TUT1: variants seen among roughly 807,000 people sequenced by gnomAD.
TUT1 encodes speckle targeted PIP5K1A-regulated poly(A) polymerase.
In TUT1, 26 loss-of-function variants were observed where a neutral mutation model predicts 48.8. That is an observed-to-expected ratio of 0.53 (90% confidence interval 0.39 to 0.74). TUT1 has a LOEUF of 0.74. TUT1 is among the 30% of genes least tolerant of loss of function. The pLI, the probability that TUT1 is intolerant of heterozygous loss-of-function variation, is 0.00. For synonymous variants in TUT1, 470 were observed against 460.8 expected (o/e 1.02, Z -0.26); for missense variants, 1,065 against 1,114.8 (o/e 0.96, Z 0.64).
intron 4 of TUT1, among the ~76,000 whole-genome samples, chr11:62,579,485 C>T (rs1398595885): frequency 6.6e-6 from 1 of 152,112 alleles, no homozygotes; most frequent in East Asian, 1.9e-4. Context: ...GAATGTGATA[C>T]ATGCAACCTT....
chr11:62,582,063 AC>A (rs2134309313), intron 2 of TUT1, among the ~76,000 whole-genome samples: 1 of 151,816 alleles, frequency 6.6e-6, no homozygotes, highest in East Asian at 2.0e-4. Flanking sequence ...GCTTACTGCA[AC>A]CTCTGCCTCC....
chr11:62,582,490 G>A, intron 2 of TUT1: 1 of 396,404 alleles, frequency 2.5e-6, no homozygotes, highest in East Asian at 8.0e-5. Context: ...CAATTACTTG[G>A]GAGGCTATGA....
chr11:62,575,302 G>A lies in TUT1; in HGVS notation c.2417C>T (p.Thr806Ile). 1 of 1,614,170 alleles carries A rather than the reference G, an allele frequency of 6.2e-7. No homozygotes were observed. Among genetic ancestry groups the A allele is most frequent in the Middle Eastern group, 1.6e-4 (1 of 6,062 alleles). ...CAGCTCCTGGGTGACCTGAGCCTCAGTCGCCAGCCACCCTGCTCTTGTGCC... is the reference window on the plus strand; with the variant it reads ...CAGCTCCTGGGTGACCTGAGCCTCAATCGCCAGCCACCCTGCTCTTGTGCC... ...GAGTRAGWLA[T>I]EAQVTQELKG... is the part of the protein sequence containing the mutation. The change falls in exon 9 of 9, where the codon ACT becomes ATT. Residue 806 changes from threonine to isoleucine, a missense_variant. Transcript: ENST00000476907.
chr11:62,576,456 C>T (rs1941729547), intron 8 of TUT1: 1 of 784,652 alleles, frequency 1.3e-6, no homozygotes, highest in East Asian at 2.7e-5. Flanking sequence ...TGCTGCTGCT[C>T]CTTGCTAGCC....
At position 62,576,210 on chromosome 11, in the gene TUT1, A is replaced by G. The variant is rs763752266; in HGVS notation, c.1509T>C (p.Ser503=). The change falls in exon 9 of 9, where the codon TCT becomes TCC. Residue 503 remains serine, a synonymous_variant. Transcript: ENST00000476907. ...GCAGGGAGCCACGAAGATCCCAACA[A>G]GATACACAGGAGAAGAACTGGGCTA... ...SLLAQFFSCV[S]CWDLRGSLLS... The G allele has an allele frequency of 6.2e-7, 1 of 1,604,172 alleles. No individual in the cohort carries two copies. Among genetic ancestry groups the G allele is most frequent in the African/African-American group, 1.3e-5 (1 of 74,380 alleles).
rs760484761 is a variant in TUT1 at position 62,576,901 on chromosome 11, G to A, written c.1381+6C>T. 16 of 1,613,328 alleles carry A rather than the reference G, an allele frequency of 9.9e-6. No individual in the cohort carries two copies. Among genetic ancestry groups the A allele is most frequent in the South Asian group, 5.5e-5 (5 of 91,066 alleles). On this transcript the variant is annotated splice_donor_region_variant and intron_variant, in intron 7 of 8. Coordinates refer to ENST00000476907, the MANE Select transcript of TUT1 (RefSeq NM_022830.3). ...AGATGGAGAGGGTGGAGGCTAGGCC[G>A]AGTACCTGCTTTCTGGGTGAGCTGG...
rs1565265027 is a variant in TUT1 at position 62,575,968 on chromosome 11, G to C, written c.1751C>G (p.Ser584Cys). The C allele has an allele frequency of 6.2e-7, 1 of 1,613,992 alleles. No homozygotes were observed. Among genetic ancestry groups the C allele is most frequent in the Non-Finnish European group, 8.5e-7 (1 of 1,180,044 alleles). Residue 584 changes from serine to cysteine, a missense_variant, in exon 9 of 9, where the codon TCC (serine) becomes TGC (cysteine). By Grantham distance (112) the Ser-to-Cys change is moderately radical. Coordinates refer to ENST00000476907, the MANE Select transcript of TUT1 (RefSeq NM_022830.3). ...CRSLQYQRRS[S>C]RGRDWGLLPL... ...GAGCAGCCCCCAGTCCCGACCCCGG[G>C]AGGAACGGCGCTGGTACTGGAGGCT...
intron 2 of TUT1, among the ~76,000 whole-genome samples, chr11:62,585,308 C>A (rs756290570): frequency 6.6e-6 from 1 of 152,156 alleles, no homozygotes; most frequent in Non-Finnish European, 1.5e-5. Flanking sequence ...CTATGCCAAA[C>A]ACAGCAAAGA....
intron 2 of TUT1, 135 bp downstream of exon 2, chr11:62,588,896 G>C: frequency 1.4e-6 from 1 of 714,168 alleles, no homozygotes; most frequent in Non-Finnish European, 2.3e-6. Flanking sequence ...GTTTCACCAT[G>C]TTGGCCAGGC....
chr11:62,585,658 C>T (rs552319996), intron 2 of TUT1, among the ~76,000 whole-genome samples: 1 of 152,196 alleles, frequency 6.6e-6, no homozygotes, highest in Non-Finnish European at 1.5e-5. Flanking sequence ...ATGGTGAAAC[C>T]CGTCTCTACT....
rs1264736866 is a variant in TUT1, at chr11:62,575,758, T to C, written c.1961A>G (p.Gln654Arg). 1 of 1,614,024 alleles carries C rather than the reference T, an allele frequency of 6.2e-7. No homozygotes were observed. The highest frequency in any genetic ancestry group is 8.5e-7 in the Non-Finnish European group (1 of 1,180,004). ...SEGGGTGESS[Q>R]GGTSKRLKVD... ...TTTGAGTCTTTTGCTTGTCCCTCCC[T>C]GAGAGGACTCCCCAGTTCCACCTCC... is the stretch of plus-strand genomic sequence containing the variant. The change falls in exon 9 of 9, where the codon CAG becomes CGG. Residue 654 changes from glutamine (Q) to arginine (R), a missense_variant. Transcript: ENST00000476907.
intron 2 of TUT1, among the ~76,000 whole-genome samples, chr11:62,588,267 G>C (rs931168031): frequency 6.6e-6 from 1 of 152,182 alleles, no homozygotes; most frequent in Non-Finnish European, 1.5e-5. Context: ...AAATCCAAAG[G>C]GTGGGACTGG....
chr11:62,578,924 G>A lies in TUT1; in HGVS notation c.797C>T (p.Pro266Leu). Residue 266 changes from proline (P) to leucine (L), a missense_variant, in exon 5 of 9, where the codon CCT (proline) becomes CTT (leucine). Pro to Leu is a moderately conservative substitution (Grantham distance 98). Transcript: ENST00000476907. ...CTPASPPDSQ[P>L]PASPQDSEAL... ...TTCAGAATCCTGGGGAGAAGCAGGA[G>A]GTTGTGAATCTGGAGGGGAAGCTGG... 2 of 1,570,676 alleles carry A rather than the reference G, an allele frequency of 1.3e-6. No individual in the cohort carries two copies. Among genetic ancestry groups the A allele is most frequent in the South Asian group, 2.4e-5 (2 of 84,162 alleles).
At chr11:62,586,095 G>A (rs1015296025) in intron 2 of TUT1, among the ~76,000 whole-genome samples, 3 of 152,196 alleles carry the variant, frequency 2.0e-5, no homozygotes, top group African/African-American at 7.2e-5. Context: ...TCCAGCCTGG[G>A]CAACAAGGGC....
rs1326460340 is a variant in TUT1, at chr11:62,579,006, G to A, written c.715C>T (p.Pro239Ser). The A allele has an allele frequency of 6.6e-7, 1 of 1,514,242 alleles. No homozygotes were observed. Among genetic ancestry groups the A allele is most frequent in the East Asian group, 2.3e-5 (1 of 43,956 alleles). 93.8% of individuals were successfully genotyped at this position (1,514,242 alleles called of 1,614,324 possible). ...PQPVPKAPES[P>S]SLDSALASPL... ...GAAGCCAGGGCCGAGTCCAGCGATG[G>A]AGATTCTGGAGCCTTTGGGACTGGC... is the stretch of plus-strand genomic sequence containing the variant. Residue 239 changes from proline (P) to serine (S), a missense_variant, in exon 5 of 9, where the codon CCA becomes TCA. By Grantham distance (74) the Pro-to-Ser change is moderately conservative (BLOSUM62 -1). Transcript: ENST00000476907.
chr11:62,579,037 A>T lies in TUT1; in HGVS notation c.691-7T>A. 1.3e-6 allele frequency: 2 copies of T among 1,499,462 alleles called. No individual in the cohort carries two copies. The highest frequency in any genetic ancestry group is 1.8e-6 in the Non-Finnish European group (2 of 1,124,536). 92.9% of individuals were successfully genotyped at this position (1,499,462 alleles called of 1,614,324 possible). ...CTGGAGCCTTTGGGACTGGCTGTGG[A>T]CAGAAATGAACTGAGTGAAATGTTT... On this transcript the variant is annotated splice_polypyrimidine_tract_variant and splice_region_variant and intron_variant, in intron 4 of 8. Transcript: ENST00000476907.
chr11:62,585,569 T>C (rs929162645), intron 2 of TUT1, among the ~76,000 whole-genome samples: 5 of 152,212 alleles, frequency 3.3e-5, no homozygotes, highest in African/African-American at 1.2e-4. Flanking sequence ...TGGTAGCTCA[T>C]GCATGTAATC....
chr11:62,575,858 C>G lies in TUT1; in HGVS notation c.1861G>C (p.Ala621Pro), dbSNP rs1941715455. The G allele has an allele frequency of 6.2e-7, 1 of 1,614,204 alleles. No homozygotes were observed. The highest frequency in any genetic ancestry group is 1.3e-5 in the African/African-American group (1 of 75,048). The change falls in exon 9 of 9, where the codon GCT (alanine) becomes CCT (proline). Residue 621 changes from alanine (A) to proline (P), a missense_variant. By Grantham distance (27) the Ala-to-Pro change is conservative. Transcript: ENST00000476907. ...LPLAPFTQLT[A>P]ALVQVFREAL... Reference sequence around the variant, plus strand: ...TCCCTGAATACCTGCACCAGGGCAGCAGTGAGCTGGGTGAAGGGTGCAAGG... The same window carrying G: ...TCCCTGAATACCTGCACCAGGGCAGGAGTGAGCTGGGTGAAGGGTGCAAGG...
intron 2 of TUT1, 135 bp from the exon 3 acceptor site, chr11:62,581,836 A>T (rs1941832243): frequency 1.2e-6 from 1 of 846,840 alleles, no homozygotes; most frequent in Admixed American, 4.0e-5. Context: ...TCATAATAAC[A>T]GGGGACATAT....
Sources: allele counts gnomAD v4.1 joint callset (sites outside exome capture counted in the v4.1 genomes callset), GRCh38; gene constraint gnomAD v4.1.1; transcripts MANE v1.5; gene names NCBI Gene and HGNC (gene_info 2026-07-23, HGNC 2026-07-21).